The following MRTFB variants were observed in gnomAD, a reference collection of about 807,000 sequenced individuals.
The protein encoded by MRTFB is myocardin-related transcription factor B.
In MRTFB, 29 loss-of-function variants were observed where a neutral mutation model predicts 104.2. That is an observed-to-expected ratio of 0.28 (90% CI 0.21 to 0.38). The LOEUF is 0.38. MRTFB is among the 10% of genes least tolerant of loss of function. The probability of loss-of-function intolerance (pLI) is 1.00; values close to 1 mark genes in which losing one functional copy is unlikely to be tolerated. For synonymous variants in MRTFB, 535 were observed against 519.5 expected, an observed-to-expected ratio of 1.03 and a Z score of -0.41; for missense variants, 1,270 against 1,341.6, an observed-to-expected ratio of 0.95 and a Z score of 0.83.
In MRTFB at chr16:14,138,640, A is replaced by G. The variant is rs144441698; in HGVS notation, c.-63-1904A>G. 2.5e-3 allele frequency among the ~76,000 whole-genome samples: 376 copies of G among 152,328 alleles called. 1 individual carries two copies. Among genetic ancestry groups the G allele is most frequent in the African/African-American group, 8.6e-3 (358 of 41,562 alleles). The stretch of plus-strand genomic sequence containing the variant: ...GTTCTTTTTGCCTTAGCTGGGCTGC[A>G]TGGAGTCTGCCCTGCATGTGTATAG... On this transcript the variant is annotated intron_variant, in intron 2 of 16. Coordinates refer to ENST00000571589, the MANE Select transcript of MRTFB (RefSeq NM_001308142.2).
At chr16:14,049,353 T>C in the MRTFB span, among the ~76,000 whole-genome samples, 1 of 152,218 alleles carries the variant, frequency 6.6e-6, no homozygotes, top group Non-Finnish European at 1.5e-5. Context: ...CATAAATAGA[T>C]GATAATTGAA....
At chr16:14,141,102 A>G (rs1001117700) in intron 3 of MRTFB, 1 of 209,166 alleles carries the variant, frequency 4.8e-6, no homozygotes, top group Non-Finnish European at 9.6e-6. Flanking sequence ...ATATGACTGC[A>G]TTCTCCTCCC....
chr16:14,224,627 C>G (rs2151258187), intron 8 of MRTFB, among the ~76,000 whole-genome samples: 1 of 152,300 alleles, frequency 6.6e-6, no homozygotes, highest in South Asian at 2.1e-4. Flanking sequence ...CTCAATAAGA[C>G]TATCAGTGGA....
chr16:14,134,106 C>A (rs2037582500), intron 2 of MRTFB, among the ~76,000 whole-genome samples: 1 of 152,134 alleles, frequency 6.6e-6, no homozygotes, highest in Non-Finnish European at 1.5e-5. Flanking sequence ...GGTTAGTGTG[C>A]AGTTTGCTCC....
intron 2 of MRTFB, among the ~76,000 whole-genome samples, chr16:14,102,070 T>C (rs559393457): frequency 6.6e-6 from 1 of 152,232 alleles, no homozygotes; most frequent in Non-Finnish European, 1.5e-5. Flanking sequence ...AGAGGAGTTA[T>C]TTTCAAATGG....
At chr16:14,240,896 T>C (rs985615419) in intron 10 of MRTFB, 13 of 616,712 alleles carry the variant, frequency 2.1e-5, no homozygotes, top group Admixed American at 1.2e-4. Flanking sequence ...AGGATCTTTG[T>C]ATATAGAAGG....
At chr16:14,073,911 A>T (rs1461552273) in intron 1 of MRTFB, among the ~76,000 whole-genome samples, 2 of 152,194 alleles carry the variant, frequency 1.3e-5, no homozygotes, top group African/African-American at 2.4e-5. Context: ...AAACTTTGCT[A>T]GTCTTGCTGC....
chr16:14,064,608 T>A, the MRTFB span, among the ~76,000 whole-genome samples: 2 of 152,244 alleles, frequency 1.3e-5, no homozygotes, highest in African/African-American at 4.8e-5. Flanking sequence ...TATATTTAAG[T>A]CTTTAATCCA....
intron 2 of MRTFB, among the ~76,000 whole-genome samples, chr16:14,110,641 G>A (rs1028155261): frequency 6.6e-6 from 1 of 152,030 alleles, no homozygotes; most frequent in South Asian, 2.1e-4. Flanking sequence ...CTGGAATTTC[G>A]GCTTGAAACT....
intron 2 of MRTFB, among the ~76,000 whole-genome samples, chr16:14,114,793 T>C (rs1029072659): frequency 3.3e-4 from 50 of 152,326 alleles, no homozygotes; most frequent in African/African-American, 1.1e-3. Context: ...ATCACTGTGC[T>C]TTCCCATCAT....
intron 2 of MRTFB, among the ~76,000 whole-genome samples, chr16:14,107,507 G>A (rs757309715): frequency 5.9e-5 from 9 of 152,196 alleles, no homozygotes; most frequent in Non-Finnish European, 1.3e-4. Flanking sequence ...CAGATACAAG[G>A]TTTAAGAACA....
chr16:14,264,852 G>A lies in MRTFB; in HGVS notation c.*3408G>A, dbSNP rs1192722865. ...CTATTTTGTCACCAGAGCTGACTCA[G>A]GCTTCCTGGACCCTCAACCCCAGAT... On this transcript the variant is annotated 3_prime_UTR_variant, in exon 17 of 17. Coordinates refer to ENST00000571589, the MANE Select transcript of MRTFB (RefSeq NM_001308142.2). 1 of 152,194 alleles carries A rather than the reference G, an allele frequency of 6.6e-6. No homozygotes were observed. Among genetic ancestry groups the A allele is most frequent in the Non-Finnish European group, 1.5e-5 (1 of 68,090 alleles). 9.4% of individuals were successfully genotyped at this position (152,194 alleles called of 1,614,324 possible). A position where few individuals can be genotyped will look rare whatever the true frequency, so the allele number is the denominator to read the frequency against.
intron 16 of MRTFB, among the ~76,000 whole-genome samples, chr16:14,260,186 A>G (rs1279661424): frequency 6.6e-6 from 1 of 152,226 alleles, no homozygotes; most frequent in Non-Finnish European, 1.5e-5. Flanking sequence ...AAACAAGACC[A>G]AAAAGTGAAA....
intron 8 of MRTFB, among the ~76,000 whole-genome samples, chr16:14,224,163 A>T (rs565939382): frequency 3.3e-5 from 5 of 152,308 alleles, no homozygotes; most frequent in African/African-American, 1.2e-4. Context: ...ATTCACTATC[A>T]TGAGAACAGA....
At chr16:14,052,477 C>T in the MRTFB span, among the ~76,000 whole-genome samples, 2 of 151,984 alleles carry the variant, frequency 1.3e-5, no homozygotes, top group African/African-American at 4.8e-5. Context: ...GTGGCTCACG[C>T]GTGTAATACC....
the MRTFB span, among the ~76,000 whole-genome samples, chr16:14,031,814 T>C: frequency 3.9e-5 from 6 of 152,178 alleles, no homozygotes; most frequent in East Asian, 9.7e-4. Flanking sequence ...GGTGACTTTT[T>C]TTTATCTTTT....
chr16:14,143,064 A>C (rs1346991389), intron 3 of MRTFB: 1 of 151,962 alleles, frequency 6.6e-6, no homozygotes, highest in African/African-American at 2.4e-5. Context: ...TGCATCATCC[A>C]TCTAGCACTA....
intron 2 of MRTFB, among the ~76,000 whole-genome samples, chr16:14,120,957 T>C (rs1262365569): frequency 6.6e-6 from 1 of 152,124 alleles, no homozygotes; most frequent in African/African-American, 2.4e-5. Context: ...CAAAGAAGAT[T>C]AAGGGTCTCA....
chr16:14,198,375 T>G (rs925085637), intron 3 of MRTFB, among the ~76,000 whole-genome samples: 1 of 152,214 alleles, frequency 6.6e-6, no homozygotes, highest in Admixed American at 6.5e-5. Context: ...TGTTATAAAC[T>G]AAAATTATAT....
Sources: allele counts gnomAD v4.1 joint callset (sites outside exome capture counted in the v4.1 genomes callset), GRCh38; gene constraint gnomAD v4.1.1; transcripts MANE v1.5; gene names NCBI Gene and HGNC (gene_info 2026-07-23, HGNC 2026-07-21).